The following SLC44A5 variants were observed in gnomAD, a reference collection of about 807,000 sequenced individuals.
SLC44A5 encodes solute carrier family 44 member 5.
A neutral mutation model predicts 101.8 loss-of-function variants in SLC44A5; 57 were observed. The observed-to-expected ratio is 0.56, with a 90% CI of 0.45 to 0.70. SLC44A5 has a LOEUF of 0.70. SLC44A5 is among the 30% of genes least tolerant of loss of function. The pLI, the probability that SLC44A5 is intolerant of heterozygous loss-of-function variation, is 0.00. For synonymous variants in SLC44A5, 281 were observed against 290.9 expected (o/e 0.97, Z 0.35); for missense variants, 737 against 853.1 (o/e 0.86, Z 1.70).
chr1:75,384,568 T>C (rs1661159310), intron 3 of SLC44A5, among the ~76,000 whole-genome samples: 1 of 92,902 alleles, frequency 1.1e-5, no homozygotes, highest in East Asian at 2.8e-4. Flanking sequence ...AAGTCCTGAG[T>C]GACCTACAAA....
intron 2 of SLC44A5, among the ~76,000 whole-genome samples, chr1:75,534,546 G>T (rs1670893922): frequency 6.6e-6 from 1 of 152,196 alleles, no homozygotes; most frequent in South Asian, 2.1e-4. Context: ...GACAGACAGG[G>T]TTGGTTAGCC....
intron 2 of SLC44A5, among the ~76,000 whole-genome samples, chr1:75,481,560 A>G (rs1406648921): frequency 6.6e-6 from 1 of 152,080 alleles, no homozygotes; most frequent in Admixed American, 6.5e-5. Context: ...ATTTACAAGA[A>G]AAAAACAAAC....
chr1:75,692,642 C>T, the SLC44A5 span, among the ~76,000 whole-genome samples: 1 of 152,070 alleles, frequency 6.6e-6, no homozygotes, highest in African/African-American at 2.4e-5. Context: ...GGAGATAGTC[C>T]TCTTCTTATT....
intron 2 of SLC44A5, among the ~76,000 whole-genome samples, chr1:75,417,138 A>T (rs904156967): frequency 8.5e-5 from 13 of 152,112 alleles, no homozygotes; most frequent in South Asian, 2.1e-4. Flanking sequence ...TAGCTCCTAT[A>T]ATTCCCATGT....
At chr1:75,319,318 C>T (rs1655958477) in intron 4 of SLC44A5, among the ~76,000 whole-genome samples, 1 of 152,052 alleles carries the variant, frequency 6.6e-6, no homozygotes, top group African/African-American at 2.4e-5. Flanking sequence ...CATATCAATT[C>T]AGATGGTAGA....
intron 1 of SLC44A5, among the ~76,000 whole-genome samples, chr1:75,581,023 C>T (rs1308719027): frequency 6.6e-6 from 1 of 152,000 alleles, no homozygotes; most frequent in African/African-American, 2.4e-5. Context: ...GCTATAAACA[C>T]AAGTCAGAAA....
At chr1:75,545,048 C>T (rs1557893085) in intron 1 of SLC44A5, among the ~76,000 whole-genome samples, 1 of 152,098 alleles carries the variant, frequency 6.6e-6, no homozygotes, top group Non-Finnish European at 1.5e-5. Flanking sequence ...TGACGTTCCC[C>T]TCCCTGTGTC....
chr1:75,405,726 T>C (rs545204709), intron 2 of SLC44A5, among the ~76,000 whole-genome samples: 2 of 152,248 alleles, frequency 1.3e-5, no homozygotes, highest in South Asian at 4.1e-4. Flanking sequence ...GGGAAATTCA[T>C]AGCACCAAGT....
chr1:75,682,697 A>G, the SLC44A5 span, among the ~76,000 whole-genome samples: 10 of 151,372 alleles, frequency 6.6e-5, no homozygotes, highest in African/African-American at 1.5e-4. Context: ...AGGCATGGGC[A>G]AGGACTTCAT....
At chr1:75,312,723 C>A (rs1655404908) in intron 4 of SLC44A5, among the ~76,000 whole-genome samples, 1 of 151,448 alleles carries the variant, frequency 6.6e-6, no homozygotes, top group Non-Finnish European at 1.5e-5. Context: ...ACAAAACATG[C>A]TAGGGCAACA....
intron 2 of SLC44A5, among the ~76,000 whole-genome samples, chr1:75,529,190 C>T (rs1015190139): frequency 6.6e-6 from 1 of 151,988 alleles, no homozygotes; most frequent in African/African-American, 2.4e-5. Context: ...ATTTAGTAAC[C>T]CAAGGTCTAA....
At chr1:75,619,582 G>C in the SLC44A5 span, among the ~76,000 whole-genome samples, 2 of 152,010 alleles carry the variant, frequency 1.3e-5, no homozygotes, top group Admixed American at 1.3e-4. Flanking sequence ...ACACAAAAAA[G>C]GGTAGGCCTA....
chr1:75,594,641 C>T (rs1674535074), intron 1 of SLC44A5, among the ~76,000 whole-genome samples: 1 of 151,764 alleles, frequency 6.6e-6, no homozygotes, highest in South Asian at 2.1e-4. Flanking sequence ...GCTTTCTTAT[C>T]TTTATAAATA....
chr1:75,528,020 A>C (rs548968268), intron 2 of SLC44A5, among the ~76,000 whole-genome samples: 1 of 152,260 alleles, frequency 6.6e-6, no homozygotes, highest in Non-Finnish European at 1.5e-5. Flanking sequence ...TTGGGGTTCA[A>C]CTGTGTTGGT....
chr1:75,587,027 C>T lies in SLC44A5; in HGVS notation c.-70+24013G>A, dbSNP rs560583569. ...TGCAGAGCTGGGGCAGGCTGGTGCC[C>T]CCTAGAAGACATTTGGCTATGTCAG... On this transcript the variant is annotated intron_variant, in intron 1 of 23. Transcript: ENST00000370859. 2.6e-5 allele frequency among the ~76,000 whole-genome samples: 4 copies of T among 152,008 alleles called. No individual in the cohort carries two copies. The South Asian group carries it at 8.3e-4, about 32-fold the overall frequency.
the SLC44A5 span, among the ~76,000 whole-genome samples, chr1:75,663,749 T>C: frequency 6.6e-6 from 1 of 152,262 alleles, no homozygotes; most frequent in East Asian, 1.9e-4. Context: ...ACTGAAACTA[T>C]TCTTAAAAAT....
At chr1:75,471,885 T>C (rs79932879) in intron 2 of SLC44A5, among the ~76,000 whole-genome samples, 1 of 150,404 alleles carries the variant, frequency 6.6e-6, no homozygotes, top group Non-Finnish European at 1.5e-5. Flanking sequence ...GGCTTTTTTT[T>C]CTCTGATCTA....
At chr1:75,698,229 A>T in the SLC44A5 span, among the ~76,000 whole-genome samples, 8 of 152,168 alleles carry the variant, frequency 5.3e-5, no homozygotes, top group Non-Finnish European at 1.2e-4. Flanking sequence ...CACAGCAGTA[A>T]CCTCTGCAGA....
intron 1 of SLC44A5, among the ~76,000 whole-genome samples, chr1:75,574,713 G>A (rs1325603564): frequency 2.6e-5 from 4 of 152,144 alleles, no homozygotes; most frequent in Non-Finnish European, 4.4e-5. Flanking sequence ...ATGTGATTCT[G>A]TCCTCTCTTT....
Sources: gnomAD v4.1 joint callset for allele counts (sites outside exome capture counted in the v4.1 genomes callset) on GRCh38, gnomAD v4.1.1 for gene constraint, MANE v1.5 for transcripts, NCBI Gene and HGNC (gene_info 2026-07-23, HGNC 2026-07-21) for gene names.